Variants in GNAQ observed in about 807,000 individuals in gnomAD.
The protein encoded by GNAQ is guanine nucleotide-binding protein G(q) subunit alpha.
In GNAQ, 8 loss-of-function variants were observed where a neutral mutation model predicts 43.9. The ratio of observed to expected loss-of-function variants is 0.18; its 90% CI spans 0.11 to 0.33. The LOEUF (loss-of-function observed/expected upper bound fraction) is 0.33, where lower values mean the gene tolerates loss of function less well. Among genes scored for constraint, GNAQ ranks in the 10% least tolerant of loss-of-function variants. The pLI, the probability that GNAQ is intolerant of heterozygous loss-of-function variation, is 1.00. For missense variants in GNAQ, 158 were observed against 450.8 expected, an observed-to-expected ratio of 0.35 and a Z score of 5.88; for synonymous variants, 155 against 170.7, an observed-to-expected ratio of 0.91 and a Z score of 0.71.
chr9:77,874,712 C>T (rs1351775382), intron 2 of GNAQ, among the ~76,000 whole-genome samples: 3 of 152,038 alleles, frequency 2.0e-5, no homozygotes, highest in African/African-American at 7.2e-5. Context: ...GCAACCTCCA[C>T]CACCCGGGCT....
chr9:77,918,243 T>C (rs1313131922), intron 2 of GNAQ, among the ~76,000 whole-genome samples: 5 of 152,232 alleles, frequency 3.3e-5, no homozygotes, highest in Non-Finnish European at 7.3e-5. Flanking sequence ...TACAAAGTTA[T>C]GCTGGACAAT....
intron 1 of GNAQ, among the ~76,000 whole-genome samples, chr9:77,990,118 G>A (rs1337800885): frequency 6.6e-6 from 1 of 152,200 alleles, no homozygotes; most frequent in African/African-American, 2.4e-5. Context: ...TAAGAAGAAG[G>A]TTGGAAAGAT....
intron 2 of GNAQ, among the ~76,000 whole-genome samples, chr9:77,921,944 A>G (rs1157398357): frequency 6.6e-6 from 1 of 152,182 alleles, no homozygotes; most frequent in East Asian, 1.9e-4. Context: ...AAAAATACAA[A>G]TCTGGTTTTT....
At chr9:77,729,866 A>T (rs1216220040) in intron 5 of GNAQ, among the ~76,000 whole-genome samples, 1 of 152,136 alleles carries the variant, frequency 6.6e-6, no homozygotes, top group East Asian at 1.9e-4. Flanking sequence ...CTGGGCTCTG[A>T]TCCAGGCCCC....
At chr9:77,769,971 A>C (rs950489262) in intron 5 of GNAQ, among the ~76,000 whole-genome samples, 1 of 152,110 alleles carries the variant, frequency 6.6e-6, no homozygotes, top group African/African-American at 2.4e-5. Flanking sequence ...TGGCCAAGAC[A>C]AGAACTCTTA....
At chr9:78,009,309 GCCACCACCA>G (rs146670150) in intron 1 of GNAQ, among the ~76,000 whole-genome samples, 1 of 151,926 alleles carries the variant, frequency 6.6e-6, no homozygotes, top group Non-Finnish European at 1.5e-5. Flanking sequence ...CCCGCCACCT[GCCACCACCA>G]CCACCACCAC....
intron 2 of GNAQ, among the ~76,000 whole-genome samples, chr9:77,836,145 C>T (rs979398004): frequency 2.6e-5 from 4 of 151,992 alleles, no homozygotes; most frequent in Admixed American, 6.6e-5. Context: ...TGGAAGTCAG[C>T]GGGTATAGTA....
intron 5 of GNAQ, among the ~76,000 whole-genome samples, chr9:77,775,409 C>CTTT (rs555902583): frequency 1.5e-4 from 20 of 130,944 alleles, no homozygotes; most frequent in South Asian, 2.5e-4. Flanking sequence ...CCTCATCTCT[C>CTTT]TTTTTTTTTT....
chr9:77,985,316 A>T (rs1367635151), intron 1 of GNAQ, among the ~76,000 whole-genome samples: 6 of 152,166 alleles, frequency 3.9e-5, no homozygotes, highest in African/African-American at 1.4e-4. Flanking sequence ...CCATCTCAGA[A>T]AAACCAACCA....
intron 2 of GNAQ, among the ~76,000 whole-genome samples, chr9:77,882,954 A>G (rs1303508015): frequency 6.6e-6 from 1 of 152,224 alleles, no homozygotes; most frequent in Non-Finnish European, 1.5e-5. Flanking sequence ...CCAAACACAT[A>G]TATCAAAGCC....
At chr9:77,742,787 C>A (rs1172373853) in intron 5 of GNAQ, among the ~76,000 whole-genome samples, 1 of 152,090 alleles carries the variant, frequency 6.6e-6, no homozygotes, top group Admixed American at 6.5e-5. Context: ...GATGGAAGAT[C>A]ATTCAAGCAT....
chr9:77,851,678 G>A (rs563967183), intron 2 of GNAQ, among the ~76,000 whole-genome samples: 4 of 152,254 alleles, frequency 2.6e-5, no homozygotes, highest in Admixed American at 6.5e-5. Context: ...TAGCTAACCC[G>A]TCTTCCAGTA....
At chr9:77,977,388 A>G (rs1233593434) in intron 1 of GNAQ, among the ~76,000 whole-genome samples, 1 of 151,956 alleles carries the variant, frequency 6.6e-6, no homozygotes, top group Non-Finnish European at 1.5e-5. Flanking sequence ...GACCGCCCAC[A>G]TGGAGGCGCC....
At chr9:77,845,751 A>C (rs192577767) in intron 2 of GNAQ, among the ~76,000 whole-genome samples, 1 of 152,258 alleles carries the variant, frequency 6.6e-6, no homozygotes, top group Non-Finnish European at 1.5e-5. Context: ...CAACAGATGG[A>C]AAGTGACTGA....
chr9:77,886,982 C>T (rs2118091262), intron 2 of GNAQ, among the ~76,000 whole-genome samples: 1 of 150,606 alleles, frequency 6.6e-6, no homozygotes, highest in South Asian at 2.1e-4. Context: ...ATTAGCTGGG[C>T]GTGGTGGCGG....
chr9:77,723,389 A>G lies in GNAQ; in HGVS notation c.890-1876T>C, dbSNP rs1174559501. On this transcript the variant is annotated intron_variant, in intron 6 of 6. Coordinates refer to ENST00000286548, the MANE Select transcript of GNAQ (RefSeq NM_002072.5). ...TGACCGACCCTGCTAGTCTACTCCA[A>G]TGTATATATCTAAAGGAATTGAGAG... 2.8e-4 allele frequency among the ~76,000 whole-genome samples: 43 copies of G among 152,234 alleles called. 1 individual carries two copies. Among genetic ancestry groups the G allele is most frequent in the Admixed American group, 2.8e-3 (43 of 15,282 alleles).
At chr9:77,761,005 G>A (rs1410546022) in intron 5 of GNAQ, among the ~76,000 whole-genome samples, 3 of 151,438 alleles carry the variant, frequency 2.0e-5, no homozygotes, top group African/African-American at 2.4e-5. Context: ...GAGACCCTCC[G>A]CCCGGCAGCC....
At chr9:77,786,157 C>T (rs113775279) in intron 5 of GNAQ, among the ~76,000 whole-genome samples, 218 of 152,056 alleles carry the variant, frequency 1.4e-3, no homozygotes, top group African/African-American at 4.8e-3. Context: ...GCGGGCAGAT[C>T]GCGAGGTCAT....
Position 78,018,676 on chromosome 9 carries a change from C to CT in GNAQ, c.136+12423dup, listed in dbSNP as rs976526344. Among the ~76,000 whole-genome samples, 116 of 149,492 alleles carry CT rather than the reference C, an allele frequency of 7.8e-4. 1 individual carries two copies. The highest frequency in any genetic ancestry group is 6.8e-3 in the Middle Eastern group (2 of 292). ...CACAATAGCTTTTCTCCTTACCAAA[C>CT]TTTTTTTTTTACTATTTTACAAACA... is the stretch of plus-strand genomic sequence containing the variant. On this transcript the variant is annotated intron_variant, in intron 1 of 6. Coordinates refer to ENST00000286548, the MANE Select transcript of GNAQ (RefSeq NM_002072.5).
Sources: allele counts gnomAD v4.1 joint callset (sites outside exome capture counted in the v4.1 genomes callset), GRCh38; gene constraint gnomAD v4.1.1; transcripts MANE v1.5; gene names NCBI Gene and HGNC (gene_info 2026-07-23, HGNC 2026-07-21).